The following NRG3 variants were observed in gnomAD, a reference collection of about 807,000 sequenced individuals.
NRG3 encodes neuregulin 3.
Under a neutral mutation model 66.9 loss-of-function variants are expected in NRG3, and 31 were observed. The ratio of observed to expected loss-of-function variants is 0.46; its 90% CI spans 0.35 to 0.63. The LOEUF (loss-of-function observed/expected upper bound fraction) is 0.63. NRG3 is among the 20% of genes least tolerant of loss of function. The pLI, the probability that NRG3 is intolerant of heterozygous loss-of-function variation, is 0.00. For missense variants in NRG3, 910 were observed against 878.9 expected (o/e 1.04, Z -0.45); for synonymous variants, 393 against 359.4 (o/e 1.09, Z -1.06).
chr10:82,633,107 A>C (rs570650502), intron 2 of NRG3, among the ~76,000 whole-genome samples: 28 of 152,326 alleles, frequency 1.8e-4, no homozygotes, highest in African/African-American at 6.5e-4. Flanking sequence ...TGTTTAAGCA[A>C]GAAATGAAGA....
At chr10:82,419,606 G>T (rs2088909399) in intron 2 of NRG3, among the ~76,000 whole-genome samples, 1 of 152,038 alleles carries the variant, frequency 6.6e-6, no homozygotes, top group African/African-American at 2.4e-5. Context: ...TTCTTTCATT[G>T]CAGATTTATA....
In NRG3 at chr10:82,281,575, G is replaced by A. The variant is rs568035066; in HGVS notation, c.824-77164G>A. 5.3e-5 allele frequency among the ~76,000 whole-genome samples: 8 copies of A among 152,244 alleles called. No individual in the cohort carries two copies. In the South Asian group the frequency reaches 1.0e-3, roughly 20 times the overall value. ...AGGGACTCTTTTAATAAGACTCAAC[G>A]TAATTCAACATGCAGCTTGCATGAG... On this transcript the variant is annotated intron_variant, in intron 1 of 8. Transcript: ENST00000372141.
chr10:82,161,247 G>A (rs76722292), intron 1 of NRG3, among the ~76,000 whole-genome samples: 2 of 152,202 alleles, frequency 1.3e-5, no homozygotes, highest in East Asian at 3.9e-4. Flanking sequence ...AGTACATGAA[G>A]TTATGGGACT....
intron 2 of NRG3, among the ~76,000 whole-genome samples, chr10:82,373,823 C>T (rs1193897180): frequency 6.6e-6 from 1 of 152,168 alleles, no homozygotes; most frequent in African/African-American, 2.4e-5. Context: ...AAAGCTCTTT[C>T]CTTTCTGCCT....
rs368989592 is a variant in NRG3 at position 82,278,969 on chromosome 10, C to T, written c.824-79770C>T. 6.6e-5 allele frequency among the ~76,000 whole-genome samples: 10 copies of T among 152,194 alleles called. 1 individual carries two copies. The highest frequency in any genetic ancestry group is 2.4e-4 in the African/African-American group (10 of 41,516). On this transcript the variant is annotated intron_variant, in intron 1 of 8. Transcript: ENST00000372141. ...TCCTCACACAGTATTGTCCTATGTG[C>T]TTCTTTTACGATATTGCACAGCACA... is the stretch of plus-strand genomic sequence containing the variant.
intron 1 of NRG3, among the ~76,000 whole-genome samples, chr10:82,165,445 C>A (rs995129059): frequency 1.3e-5 from 2 of 151,820 alleles, no homozygotes; most frequent in Non-Finnish European, 2.9e-5. Flanking sequence ...ATTTTGTAGG[C>A]AAAATAGCTT....
In NRG3 at chr10:81,875,203, T is replaced by G; in HGVS notation, c.-138T>G. On this transcript the variant is annotated 5_prime_UTR_variant, in exon 1 of 9. An upstream start codon of the reference 5' UTR is lost. Coordinates refer to ENST00000372141, the MANE Select transcript of NRG3 (RefSeq NM_001010848.4). The surrounding 1 kb of genome is among the most constrained non-coding windows in gnomAD (Gnocchi z 5.3). ...CGTGGGGGCAGGGAGCGGATTTGCA[T>G]GCGGCCGCCGCGGCCGCTGCCTGCG... 1 of 300,858 alleles carries G rather than the reference T, an allele frequency of 3.3e-6. No homozygotes were observed. Among genetic ancestry groups the G allele is most frequent in the Non-Finnish European group, 4.8e-6 (1 of 209,796 alleles). 18.6% of individuals were successfully genotyped at this position (300,858 alleles called of 1,614,324 possible).
chr10:82,964,101 CATTT>C (rs1021339162), intron 6 of NRG3, among the ~76,000 whole-genome samples: 29 of 152,288 alleles, frequency 1.9e-4, no homozygotes, highest in African/African-American at 6.7e-4. Context: ...TTCATACATT[CATTT>C]ATTTACTTAA....
At chr10:82,475,587 A>G (rs1199747763) in intron 2 of NRG3, among the ~76,000 whole-genome samples, 1 of 152,176 alleles carries the variant, frequency 6.6e-6, no homozygotes, top group Non-Finnish European at 1.5e-5. Context: ...AAACCATTAA[A>G]TGAGAAAATA....
At chr10:82,116,006 G>T (rs1739766) in intron 1 of NRG3, among the ~76,000 whole-genome samples, 63,881 of 151,956 alleles carry the variant, frequency 0.42, 14,773 homozygotes, top group Non-Finnish European at 0.52. Flanking sequence ...GTCAATGGGG[G>T]TATTTTGTCA....
At chr10:82,152,419 A>G (rs1320418874) in intron 1 of NRG3, among the ~76,000 whole-genome samples, 1 of 152,142 alleles carries the variant, frequency 6.6e-6, no homozygotes, top group African/African-American at 2.4e-5. Flanking sequence ...AGGACCAGAG[A>G]AGTTAAGTAC....
At chr10:82,109,698 A>G (rs558016774) in intron 1 of NRG3, among the ~76,000 whole-genome samples, 1 of 152,198 alleles carries the variant, frequency 6.6e-6, no homozygotes, top group South Asian at 2.1e-4. Context: ...TTTCTCTTCA[A>G]TTAATAATAA....
At chr10:82,857,259 C>G (rs2063859606) in intron 3 of NRG3, among the ~76,000 whole-genome samples, 1 of 152,154 alleles carries the variant, frequency 6.6e-6, no homozygotes, top group Non-Finnish European at 1.5e-5. Flanking sequence ...TGATACAAAT[C>G]AACATTCTTG....
At chr10:82,159,025 AT>A (rs908730150) in intron 1 of NRG3, among the ~76,000 whole-genome samples, 3 of 151,798 alleles carry the variant, frequency 2.0e-5, no homozygotes, top group Non-Finnish European at 3.0e-5. Flanking sequence ...ATAGGTTTCA[AT>A]TTTTTTTAGT....
chr10:81,989,161 T>C (rs1340251812), intron 1 of NRG3, among the ~76,000 whole-genome samples: 1 of 152,160 alleles, frequency 6.6e-6, no homozygotes, highest in Non-Finnish European at 1.5e-5. Flanking sequence ...AATAGGATAT[T>C]GTCATTAACT....
intron 2 of NRG3, among the ~76,000 whole-genome samples, chr10:82,360,842 G>A (rs1440663565): frequency 6.6e-6 from 1 of 152,050 alleles, no homozygotes; most frequent in Non-Finnish European, 1.5e-5. Flanking sequence ...GTTCAGAGTT[G>A]ATTCCTTTTG....
intron 3 of NRG3, among the ~76,000 whole-genome samples, chr10:82,863,667 G>A (rs550656702): frequency 1.4e-4 from 21 of 152,180 alleles, no homozygotes; most frequent in African/African-American, 4.6e-4. Flanking sequence ...CTTTTGAGAA[G>A]TCTATTTATA....
At chr10:82,860,703 A>T (rs764045932) in intron 3 of NRG3, among the ~76,000 whole-genome samples, 5 of 152,224 alleles carry the variant, frequency 3.3e-5, no homozygotes, top group African/African-American at 4.8e-5. Flanking sequence ...TTTACAAATA[A>T]AAATTTTGGA....
chr10:82,922,154 T>C (rs1485783904), intron 4 of NRG3, among the ~76,000 whole-genome samples: 1 of 152,076 alleles, frequency 6.6e-6, no homozygotes, highest in African/African-American at 2.4e-5. Context: ...GAAGAGGATG[T>C]ATAATATTCT....
Sources: allele counts gnomAD v4.1 joint callset (sites outside exome capture counted in the v4.1 genomes callset), GRCh38; gene constraint gnomAD v4.1.1; non-coding constraint Gnocchi (gnomAD v3.1); transcripts MANE v1.5; gene names NCBI Gene and HGNC (gene_info 2026-07-23, HGNC 2026-07-21).